Variants in RYR2 observed in about 807,000 individuals in gnomAD.
The protein encoded by RYR2 is ryanodine receptor 2.
Under a neutral mutation model 601.1 loss-of-function variants are expected in RYR2, and 227 were observed. The ratio of observed to expected loss-of-function variants is 0.38; its 90% confidence interval spans 0.34 to 0.42. The LOEUF is 0.42. Among genes scored for constraint, RYR2 ranks in the 10% least tolerant of loss-of-function variants. RYR2 has a pLI of 1.00. For missense variants in RYR2, 4,646 were observed against 6,156.5 expected, an observed-to-expected ratio of 0.75 and a Z score of 8.21; for synonymous variants, 2,223 against 2,175.1, an observed-to-expected ratio of 1.02 and a Z score of -0.61.
At position 237,784,948 on chromosome 1, in the gene RYR2, G is replaced by A. The variant is rs1695427100; in HGVS notation, c.13236G>A (p.Met4412Ile). Reference sequence around the variant, plus strand: ...ACCTCATGAGCAACCCAGTCCCCATGCCTGAGGTGCAGGAAAAATTTCAGG... The same window carrying A: ...ACCTCATGAGCAACCCAGTCCCCATACCTGAGGTGCAGGAAAAATTTCAGG... ...LSDLMSNPVPMPEVQEKFQEQ... is the reference protein window; with the variant it reads ...LSDLMSNPVPIPEVQEKFQEQ... The change falls in exon 90 of 105, where the codon ATG (methionine) becomes ATA (isoleucine). Residue 4412 changes from methionine (M) to isoleucine (I), a missense_variant. Transcript: ENST00000366574. This position sits in a 1 kb window ranked among gnomAD's most constrained non-coding sequence, Gnocchi z 7.1. The A allele has an allele frequency of 6.3e-7, 1 of 1,598,460 alleles. No individual in the cohort carries two copies. The highest frequency in any genetic ancestry group is 8.5e-7 in the Non-Finnish European group (1 of 1,172,270).
At chr1:237,113,701 A>G (rs549153899) in intron 1 of RYR2, among the ~76,000 whole-genome samples, 23 of 152,318 alleles carry the variant, frequency 1.5e-4, no homozygotes, top group African/African-American at 4.8e-4. Flanking sequence ...CTTGTGAGAA[A>G]AGAGATAAGA....
intron 1 of RYR2, among the ~76,000 whole-genome samples, chr1:237,111,358 C>T (rs1339212712): frequency 6.6e-6 from 1 of 152,132 alleles, no homozygotes; most frequent in Non-Finnish European, 1.5e-5. Flanking sequence ...GAGGCCAAGG[C>T]AGGTGGATCA....
intron 66 of RYR2, among the ~76,000 whole-genome samples, chr1:237,704,754 T>C (rs1440081659): frequency 6.6e-6 from 1 of 151,912 alleles, no homozygotes; most frequent in East Asian, 1.9e-4. Context: ...AATTCAAAGG[T>C]AAGGAAAAGA....
chr1:237,239,604 A>C (rs1036457011), intron 1 of RYR2, among the ~76,000 whole-genome samples: 5 of 152,180 alleles, frequency 3.3e-5, no homozygotes, highest in Non-Finnish European at 7.3e-5. Context: ...GGGAGCCTCC[A>C]TGTTGAATAT....
In RYR2 at chr1:237,679,152, G is replaced by A. The variant is rs61832679; in HGVS notation, c.8895+1040G>A. Among the ~76,000 whole-genome samples the A allele has an allele frequency of 2.8e-3, 421 of 152,174 alleles. 1 individual carries two copies. Among genetic ancestry groups the A allele is most frequent in the Non-Finnish European group, 4.0e-3 (275 of 68,006 alleles). ...TGATAGATCCATATATATATCTCCG[G>A]TCTCTGTGAGATTGTAATCTTTCTT... On this transcript the variant is annotated intron_variant, in intron 61 of 104. Transcript: ENST00000366574.
In RYR2 at chr1:237,819,342, C is replaced by T; in HGVS notation, c.14590+150C>T. The T allele has an allele frequency of 1.4e-6, 1 of 728,060 alleles. No individual in the cohort carries two copies. Among genetic ancestry groups the T allele is most frequent in the African/African-American group, 1.7e-5 (1 of 57,466 alleles). The allele number at this position is 728,060 out of a possible 1,614,324, so 45.1% of individuals were successfully genotyped here. A position where few individuals can be genotyped will look rare whatever the true frequency, so the allele number is the denominator to read the frequency against. On this transcript the variant is annotated intron_variant, in intron 101 of 104. Coordinates refer to ENST00000366574, the MANE Select transcript of RYR2 (RefSeq NM_001035.3). The surrounding 1 kb of genome is among the most constrained non-coding windows in gnomAD (Gnocchi z 4.0). ...TTCCAGTATTTCTTCATCATGCAAT[C>T]TACCGGGGGAAATATAAAGCGGTAT...
chr1:237,782,787 A>C (rs549424517), intron 89 of RYR2, among the ~76,000 whole-genome samples: 3 of 152,308 alleles, frequency 2.0e-5, no homozygotes, highest in African/African-American at 7.2e-5. Flanking sequence ...CAATGGTAAT[A>C]TTATCTCAAG....
intron 3 of RYR2, among the ~76,000 whole-genome samples, chr1:237,345,467 T>TAAAAAA (rs1332928390): frequency 1.4e-5 from 2 of 143,958 alleles, no homozygotes; most frequent in African/African-American, 2.5e-5. Context: ...AAATAAAAAA[T>TAAAAAA]AAAAAATAAA....
chr1:237,383,067 A>G (rs1430918992), intron 8 of RYR2, among the ~76,000 whole-genome samples: 8 of 152,184 alleles, frequency 5.3e-5, no homozygotes, highest in East Asian at 1.9e-4. Context: ...AAATGAATGA[A>G]TAATTGCATC....
At chr1:237,727,653 T>C (rs1002921798) in intron 76 of RYR2, among the ~76,000 whole-genome samples, 1 of 152,180 alleles carries the variant, frequency 6.6e-6, no homozygotes, top group African/African-American at 2.4e-5. Flanking sequence ...GGTTGATGTA[T>C]ACAGAGTGCT....
rs75160509 is a variant in RYR2, at chr1:237,722,793, A to C, written c.10555-335A>C. On this transcript the variant is annotated intron_variant, in intron 73 of 104. Coordinates refer to ENST00000366574, the MANE Select transcript of RYR2 (RefSeq NM_001035.3). ...GGTGTCCAACAGGATGTTTCAATAT[A>C]CATAAGCATAGTCACATGATTAGTG... Among the ~76,000 whole-genome samples, 10,316 of 152,250 alleles carry C rather than the reference A, an allele frequency of 0.068. 415 individuals carry two copies. The highest frequency in any genetic ancestry group is 0.096 in the Non-Finnish European group (6,517 of 68,000).
chr1:237,261,005 G>T (rs999396129), intron 1 of RYR2, among the ~76,000 whole-genome samples: 2 of 152,128 alleles, frequency 1.3e-5, no homozygotes, highest in Admixed American at 6.5e-5. Context: ...AGCTTATTCT[G>T]TTAACTACTT....
At chr1:237,151,792 T>C (rs1326759212) in intron 1 of RYR2, among the ~76,000 whole-genome samples, 5 of 152,208 alleles carry the variant, frequency 3.3e-5, no homozygotes, top group Non-Finnish European at 7.3e-5. Flanking sequence ...CAAAGGTTTT[T>C]AAGCAGTGGG....
intron 1 of RYR2, among the ~76,000 whole-genome samples, chr1:237,265,471 A>G (rs922205221): frequency 3.3e-5 from 5 of 151,970 alleles, no homozygotes; most frequent in African/African-American, 1.2e-4. Context: ...ACATGTGCAC[A>G]CTACCACACC....
At chr1:237,328,602 TAAAAA>T (rs766457905) in intron 2 of RYR2, among the ~76,000 whole-genome samples, 3 of 145,446 alleles carry the variant, frequency 2.1e-5, no homozygotes, top group African/African-American at 7.5e-5. Flanking sequence ...AAATTTTATT[TAAAAA>T]AAAAAAACAA....
chr1:237,502,828 G>T (rs989129630), intron 21 of RYR2, among the ~76,000 whole-genome samples: 8 of 145,478 alleles, frequency 5.5e-5, no homozygotes, highest in Admixed American at 1.4e-4. Flanking sequence ...AGTGAAAAAA[G>T]AATCTAAAAA....
At chr1:237,139,929 A>G (rs570128183) in intron 1 of RYR2, among the ~76,000 whole-genome samples, 9 of 152,378 alleles carry the variant, frequency 5.9e-5, no homozygotes, top group Admixed American at 5.9e-4. Context: ...GCAGAGATGC[A>G]GGCGAGTTAA....
At chr1:237,779,589 T>C (rs1200220908) in intron 88 of RYR2, among the ~76,000 whole-genome samples, 1 of 152,206 alleles carries the variant, frequency 6.6e-6, no homozygotes, top group Non-Finnish European at 1.5e-5. Context: ...TGAGGCCTTG[T>C]TTCTCTGCAG....
chr1:237,647,027 C>G (rs932883897), intron 48 of RYR2, among the ~76,000 whole-genome samples: 7 of 152,176 alleles, frequency 4.6e-5, no homozygotes, highest in African/African-American at 1.7e-4. Context: ...TGAGCTTCTC[C>G]CTTTTTCCCT....
Sources: allele counts gnomAD v4.1 joint callset (sites outside exome capture counted in the v4.1 genomes callset), GRCh38; gene constraint gnomAD v4.1.1; non-coding constraint Gnocchi (gnomAD v3.1); transcripts MANE v1.5; gene names NCBI Gene and HGNC (gene_info 2026-07-23, HGNC 2026-07-21).